Variants in BEAN1 observed in about 807,000 individuals in gnomAD.
The protein encoded by BEAN1 is brain expressed associated with NEDD4 1, also known as protein BEAN1.
In BEAN1, 17 loss-of-function variants were observed where a neutral mutation model predicts 17.7. The ratio of observed to expected loss-of-function variants is 0.96; its 90% CI spans 0.66 to 1.44. BEAN1 has a LOEUF of 1.44. BEAN1 is among the 40% of genes most tolerant of loss of function. The pLI is 0.00. For missense variants in BEAN1, 359 were observed against 374.1 expected, an observed-to-expected ratio of 0.96 and a Z score of 0.33; for synonymous variants, 142 against 151.8, an observed-to-expected ratio of 0.94 and a Z score of 0.47.
chr16:66,432,033 G>A (rs1961828313), intron 1 of BEAN1, among the ~76,000 whole-genome samples: 3 of 152,070 alleles, frequency 2.0e-5, no homozygotes, highest in Admixed American at 6.6e-5. Context: ...ACTCCAGCCT[G>A]GGTGACAGAC....
intron 1 of BEAN1, among the ~76,000 whole-genome samples, chr16:66,435,143 G>C (rs1820333095): frequency 6.6e-6 from 1 of 152,104 alleles, no homozygotes; most frequent in African/African-American, 2.4e-5. Context: ...CCAGAAGGAT[G>C]ATCAGCCCAG....
chr16:66,445,241 C>T (rs1269053812), intron 2 of BEAN1, among the ~76,000 whole-genome samples: 2 of 151,966 alleles, frequency 1.3e-5, no homozygotes, highest in Non-Finnish European at 2.9e-5. Context: ...CTTTTGGAGG[C>T]CGAGGCAGGC....
At chr16:66,447,651 C>T (rs1489419212) in intron 2 of BEAN1, among the ~76,000 whole-genome samples, 2 of 152,164 alleles carry the variant, frequency 1.3e-5, no homozygotes, top group East Asian at 1.9e-4. Context: ...CCAGCAGGGA[C>T]CAGCCAGGTG....
At chr16:66,430,726 A>G (rs1961763502) in intron 1 of BEAN1, among the ~76,000 whole-genome samples, 1 of 152,154 alleles carries the variant, frequency 6.6e-6, no homozygotes, top group African/African-American at 2.4e-5. Context: ...TAGAGCACTT[A>G]TTACCTCCAA....
chr16:66,432,035 G>A (rs1347009564), intron 1 of BEAN1, among the ~76,000 whole-genome samples: 1 of 152,124 alleles, frequency 6.6e-6, no homozygotes, highest in Non-Finnish European at 1.5e-5. Flanking sequence ...TCCAGCCTGG[G>A]TGACAGACTG....
chr16:66,445,823 T>C (rs1347155193), intron 2 of BEAN1, among the ~76,000 whole-genome samples: 1 of 152,122 alleles, frequency 6.6e-6, no homozygotes, highest in Non-Finnish European at 1.5e-5. Context: ...AGGGACCTGA[T>C]CATCCTGGTT....
chr16:66,453,602 T>TCCTCC (rs1298811276), intron 2 of BEAN1, among the ~76,000 whole-genome samples: 19 of 152,124 alleles, frequency 1.2e-4, no homozygotes, highest in African/African-American at 4.6e-4. Flanking sequence ...GCTAAGGCAA[T>TCCTCC]CCTCCCACCT....
intron 3 of BEAN1, among the ~76,000 whole-genome samples, chr16:66,477,309 G>A (rs1417670683): frequency 6.6e-6 from 1 of 152,180 alleles, no homozygotes; most frequent in African/African-American, 2.4e-5. Context: ...CCCAAAGCAG[G>A]CTGCCACCAC....
intron 2 of BEAN1, among the ~76,000 whole-genome samples, chr16:66,463,893 C>G (rs898285511): frequency 2.6e-5 from 4 of 152,196 alleles, no homozygotes; most frequent in African/African-American, 9.6e-5. Flanking sequence ...ATTCTTTCTT[C>G]CATTTAATTG....
At chr16:66,469,278 C>G (rs1449226398) in intron 2 of BEAN1, among the ~76,000 whole-genome samples, 3 of 152,258 alleles carry the variant, frequency 2.0e-5, no homozygotes, top group African/African-American at 7.2e-5. Context: ...AGCTCTACCA[C>G]TAATTTGCTG....
At chr16:66,455,168 C>A (rs1046592804) in intron 2 of BEAN1, among the ~76,000 whole-genome samples, 1 of 152,154 alleles carries the variant, frequency 6.6e-6, no homozygotes, top group Non-Finnish European at 1.5e-5. Context: ...AGCTAAGGTA[C>A]GTAAGTATTA....
intron 2 of BEAN1, 49 bp from the exon 3 acceptor site, chr16:66,469,553 G>T (rs1479226565): frequency 1.4e-5 from 21 of 1,487,812 alleles, no homozygotes; most frequent in Non-Finnish European, 1.8e-5. Context: ...GAAGGAAGGG[G>T]TGTGGCAGGC....
chr16:66,474,096 C>G (rs1463321896), intron 3 of BEAN1, among the ~76,000 whole-genome samples: 1 of 152,158 alleles, frequency 6.6e-6, no homozygotes, highest in African/African-American at 2.4e-5. Context: ...TCCACAGAGG[C>G]CTGATTTCCT....
At chr16:66,465,318 C>A (rs979176262) in intron 2 of BEAN1, among the ~76,000 whole-genome samples, 1 of 152,048 alleles carries the variant, frequency 6.6e-6, no homozygotes, top group Non-Finnish European at 1.5e-5. Flanking sequence ...GATTTTTGCA[C>A]CTATATTCCT....
intron 2 of BEAN1, among the ~76,000 whole-genome samples, chr16:66,453,022 A>G (rs11075634): frequency 0.29 from 44,300 of 151,940 alleles, 7,485 homozygotes; most frequent in African/African-American, 0.45. Flanking sequence ...TACCTCATAA[A>G]GCTGCTAAGA....
chr16:66,444,824 C>T (rs940489522), intron 2 of BEAN1, among the ~76,000 whole-genome samples: 4 of 152,218 alleles, frequency 2.6e-5, no homozygotes, highest in Admixed American at 1.3e-4. Context: ...GCCAAATGCC[C>T]GGCACTGTGG....
chr16:66,475,894 A>AG (rs1241292199), intron 3 of BEAN1: 4 of 152,302 alleles, frequency 2.6e-5, no homozygotes, highest in African/African-American at 9.6e-5. Flanking sequence ...GCAGATCACG[A>AG]GGTCAGGAGA....
chr16:66,461,824 G>A (rs1963099571), intron 2 of BEAN1, among the ~76,000 whole-genome samples: 1 of 152,150 alleles, frequency 6.6e-6, no homozygotes, highest in African/African-American at 2.4e-5. Context: ...CCCTAAGGAG[G>A]GCTGGTGTCC....
In BEAN1 at chr16:66,469,816, C is replaced by T; in HGVS notation, c.240C>T (p.His80=). 6.5e-7 allele frequency: 1 copy of T among 1,535,600 alleles called. No individual in the cohort carries two copies. Among genetic ancestry groups the T allele is most frequent in the Admixed American group, 2.0e-5 (1 of 50,998 alleles). ...HRHRHHRHHH[H]HHHHRRRRHR... Reference sequence around the variant, plus strand: ...ACCGCCACCACCGCCACCACCACCACCATCATCACCACCGCCGGCGTCGAC... The same window carrying T: ...ACCGCCACCACCGCCACCACCACCATCATCATCACCACCGCCGGCGTCGAC... Residue 80 remains histidine, a synonymous_variant, in exon 3 of 5, where the codon CAC becomes CAT. Transcript: ENST00000536005.
Sources: gnomAD v4.1 joint callset for allele counts (sites outside exome capture counted in the v4.1 genomes callset) on GRCh38, gnomAD v4.1.1 for gene constraint, MANE v1.5 for transcripts, NCBI Gene and HGNC (gene_info 2026-07-23, HGNC 2026-07-21) for gene names.